Variants in CALB2 observed in about 807,000 individuals in gnomAD.
The protein encoded by CALB2 is calbindin 2.
In CALB2, 34 loss-of-function variants were observed where a neutral mutation model predicts 45.9. That is an observed-to-expected ratio of 0.74 (90% CI 0.56 to 0.99). The LOEUF (loss-of-function observed/expected upper bound fraction) is 0.99. CALB2 is among the 50% of genes least tolerant of loss of function. CALB2 has a pLI of 0.00. For synonymous variants in CALB2, 142 were observed against 129.6 expected (o/e 1.10, Z -0.65); for missense variants, 344 against 339.3 (o/e 1.01, Z -0.11).
chr16:71,386,036 C>T (rs2042567295), intron 10 of CALB2, among the ~76,000 whole-genome samples: 1 of 152,214 alleles, frequency 6.6e-6, no homozygotes, highest in African/African-American at 2.4e-5. Context: ...CTGCCAACCA[C>T]TCTACTTTCT....
At chr16:71,387,677 C>G (rs537468791) in intron 10 of CALB2, among the ~76,000 whole-genome samples, 1 of 152,282 alleles carries the variant, frequency 6.6e-6, no homozygotes, top group South Asian at 2.1e-4. Flanking sequence ...AAGTAAGCAG[C>G]CCCTCCCCCA....
At chr16:71,379,508 T>A (rs2042461250) in intron 4 of CALB2, among the ~76,000 whole-genome samples, 1 of 152,216 alleles carries the variant, frequency 6.6e-6, no homozygotes, top group Non-Finnish European at 1.5e-5. Flanking sequence ...CTAATCCTGA[T>A]GTCCAGCAAA....
intron 8 of CALB2, 79 bp downstream of exon 8, chr16:71,384,457 C>A (rs1283957664): frequency 1.0e-6 from 1 of 965,118 alleles, no homozygotes; most frequent in Non-Finnish European, 1.6e-6. Context: ...CCCAACGCAC[C>A]ACACACAACA....
intron 5 of CALB2, 23 bp downstream of exon 5, chr16:71,382,798 T>A: frequency 1.3e-6 from 2 of 1,595,100 alleles, no homozygotes; most frequent in Non-Finnish European, 1.7e-6. Context: ...TTGGGGAGGG[T>A]GTGAGGCCAG....
At chr16:71,387,419 G>A (rs1044402502) in intron 10 of CALB2, among the ~76,000 whole-genome samples, 8 of 151,646 alleles carry the variant, frequency 5.3e-5, no homozygotes, top group Non-Finnish European at 8.8e-5. Flanking sequence ...AGAGAGAGCC[G>A]CGTGACTCTA....
At chr16:71,378,526 C>T (rs1010045448) in intron 4 of CALB2, among the ~76,000 whole-genome samples, 4 of 152,068 alleles carry the variant, frequency 2.6e-5, no homozygotes, top group Admixed American at 1.3e-4. Context: ...GGCCACAGAG[C>T]AAGACCCTAT....
chr16:71,385,272 G>A (rs918597651), intron 9 of CALB2: 3 of 369,508 alleles, frequency 8.1e-6, no homozygotes, highest in Non-Finnish European at 4.9e-6. Context: ...ACCAGTGTTG[G>A]AGGTAAACTT....
At chr16:71,370,154 G>C (rs938371206) in intron 1 of CALB2, among the ~76,000 whole-genome samples, 1 of 152,094 alleles carries the variant, frequency 6.6e-6, no homozygotes, top group Non-Finnish European at 1.5e-5. Context: ...CATGTGATTC[G>C]TGCCATACAA....
intron 6 of CALB2, among the ~76,000 whole-genome samples, chr16:71,383,688 A>C (rs2042527905): frequency 2.6e-5 from 4 of 152,060 alleles, no homozygotes. Context: ...CAGCTCTAGG[A>C]GAGGATGATC....
Position 71,358,877 on chromosome 16 carries a change from G to T in CALB2, c.85G>T (p.Asp29Tyr). The change falls in exon 1 of 11, where the codon GAC becomes TAC. Residue 29 changes from aspartate (D) to tyrosine (Y), a missense_variant. Physicochemically the swap from Asp to Tyr is radical, Grantham distance 160. Around this residue, in one of 3 missense-constraint regions of CALB2, gnomAD observed 77 missense variants for 80.5 expected, o/e 0.96. Transcript: ENST00000302628. ...SQFLEIWKHF[D>Y]ADGNGYIEGK... Reference sequence around the variant, plus strand: ...GTTCCTGGAAATATGGAAGCACTTTGACGCAGACGGTCAGTAAAGCTCCCA... The same window carrying T: ...GTTCCTGGAAATATGGAAGCACTTTTACGCAGACGGTCAGTAAAGCTCCCA... 1 of 1,613,096 alleles carries T rather than the reference G, an allele frequency of 6.2e-7. No homozygotes were observed. The highest frequency in any genetic ancestry group is 8.5e-7 in the Non-Finnish European group (1 of 1,179,718).
chr16:71,378,113 A>G (rs527301862), intron 4 of CALB2, among the ~76,000 whole-genome samples: 1 of 152,142 alleles, frequency 6.6e-6, no homozygotes, highest in South Asian at 2.1e-4. Context: ...AATCCCAGCT[A>G]TTCGGGAAGC....
intron 10 of CALB2, among the ~76,000 whole-genome samples, chr16:71,388,997 CA>C (rs146702342): frequency 0.013 from 803 of 60,650 alleles, 24 homozygotes; most frequent in Admixed American, 0.075. Flanking sequence ...GACTCCATCT[CA>C]AAAAAAAAAA....
intron 1 of CALB2, among the ~76,000 whole-genome samples, chr16:71,365,648 T>C (rs2042275952): frequency 6.6e-6 from 1 of 152,162 alleles, no homozygotes; most frequent in Non-Finnish European, 1.5e-5. Flanking sequence ...TCTGCATTCC[T>C]AACAAGCACC....
At chr16:71,371,867 A>G (rs1192325400) in intron 1 of CALB2, among the ~76,000 whole-genome samples, 2 of 152,178 alleles carry the variant, frequency 1.3e-5, no homozygotes, top group African/African-American at 2.4e-5. Context: ...TTGCCCAGAC[A>G]TTAAGGACAG....
intron 1 of CALB2, among the ~76,000 whole-genome samples, chr16:71,363,946 G>C (rs576310751): frequency 6.6e-6 from 1 of 152,250 alleles, no homozygotes; most frequent in South Asian, 2.1e-4. Context: ...TCTCAGCTGG[G>C]CGTGGCGTGA....
chr16:71,371,390 A>C (rs546409559), intron 1 of CALB2, among the ~76,000 whole-genome samples: 1 of 152,294 alleles, frequency 6.6e-6, no homozygotes, highest in East Asian at 1.9e-4. Flanking sequence ...ATAGCAAGGC[A>C]CTACAAACTG....
intron 6 of CALB2, 74 bp from the exon 7 acceptor site, chr16:71,383,896 C>G: frequency 2.6e-6 from 4 of 1,541,492 alleles, no homozygotes; most frequent in Non-Finnish European, 2.7e-6. Context: ...CCTTCCCATC[C>G]TCTCCAGTAA....
intron 2 of CALB2, among the ~76,000 whole-genome samples, chr16:71,373,095 A>G (rs540973474): frequency 6.6e-6 from 1 of 152,238 alleles, no homozygotes; most frequent in South Asian, 2.1e-4. Context: ...AATACTGCAA[A>G]GCTCAGGTGA....
chr16:71,365,870 C>T (rs1014564444), intron 1 of CALB2, among the ~76,000 whole-genome samples: 5 of 151,830 alleles, frequency 3.3e-5, no homozygotes, highest in East Asian at 3.9e-4. Context: ...TTGAAAACAC[C>T]CCCTTCCCCC....
Sources: gnomAD v4.1 joint callset for allele counts (sites outside exome capture counted in the v4.1 genomes callset) on GRCh38, gnomAD v4.1.1 for gene constraint, gnomAD v4.1.1 regional missense constraint, MANE v1.5 for transcripts, NCBI Gene and HGNC (gene_info 2026-07-23, HGNC 2026-07-21) for gene names.